RBFOX1: variants seen among roughly 807,000 people sequenced by gnomAD.
RBFOX1 encodes RNA binding protein fox-1 homolog 1.
A neutral mutation model predicts 57.7 loss-of-function variants in RBFOX1; 8 were observed. The observed-to-expected ratio is 0.14, with a 90% CI of 0.08 to 0.25. RBFOX1 has a LOEUF of 0.25. Among genes scored for constraint, RBFOX1 ranks in the 10% least tolerant of loss-of-function variants. RBFOX1 has a pLI of 1.00. For synonymous variants in RBFOX1, 326 were observed against 222.4 expected (o/e 1.47, Z -4.15); for missense variants, 611 against 548.5 (o/e 1.11, Z -1.14).
At chr16:7,607,083 C>G (rs151178460) in intron 9 of RBFOX1, among the ~76,000 whole-genome samples, 2 of 152,250 alleles carry the variant, frequency 1.3e-5, no homozygotes, top group African/African-American at 4.8e-5. Flanking sequence ...TTAACTTGCA[C>G]TGGCAGAAAA....
At position 5,868,471 on chromosome 16, in the gene RBFOX1, C is replaced by A. The variant is rs115313269; in HGVS notation, c.351+1136C>A. 6.6e-3 allele frequency among the ~76,000 whole-genome samples: 1,000 copies of A among 152,290 alleles called. 8 individuals are homozygous for A. Among genetic ancestry groups the A allele is most frequent in the African/African-American group, 0.022 (916 of 41,550 alleles). On this transcript the variant is annotated intron_variant, in intron 4 of 19. Transcript: ENST00000641259. ...ATCTCCCTTTGATCCATCACACAGTCGTTAGTAGGGTAAAATAGAATAAAG... is the reference window on the plus strand; with the variant it reads ...ATCTCCCTTTGATCCATCACACAGTAGTTAGTAGGGTAAAATAGAATAAAG...
chr16:6,216,296 C>G (rs906261303), intron 1 of RBFOX1, among the ~76,000 whole-genome samples: 2 of 152,154 alleles, frequency 1.3e-5, no homozygotes, highest in South Asian at 2.1e-4. Flanking sequence ...AGTATAAAAA[C>G]CCCATACAGA....
chr16:7,384,525 G>T (rs2097845776), intron 4 of RBFOX1, among the ~76,000 whole-genome samples: 1 of 152,120 alleles, frequency 6.6e-6, no homozygotes, highest in Admixed American at 6.5e-5. Context: ...TGTTACTCTG[G>T]CTACAGAATC....
At chr16:6,943,097 G>A (rs1169204129) in intron 3 of RBFOX1, among the ~76,000 whole-genome samples, 1 of 152,172 alleles carries the variant, frequency 6.6e-6, no homozygotes, top group Non-Finnish European at 1.5e-5. Context: ...AGGTCCCCAG[G>A]AGGGAGCCAA....
intron 3 of RBFOX1, among the ~76,000 whole-genome samples, chr16:6,942,865 T>C (rs1478818521): frequency 1.3e-5 from 2 of 152,024 alleles, no homozygotes; most frequent in East Asian, 3.9e-4. Context: ...TCTACATGGG[T>C]GTAGTGTGAT....
chr16:6,575,411 A>G (rs936806706), intron 2 of RBFOX1, among the ~76,000 whole-genome samples: 1 of 152,166 alleles, frequency 6.6e-6, no homozygotes, highest in Non-Finnish European at 1.5e-5. Context: ...GTAACAGAAT[A>G]CCTTTTACCA....
In RBFOX1 at chr16:6,605,054, A is replaced by G. The variant is rs145786159; in HGVS notation, c.-63-49549A>G. On this transcript the variant is annotated intron_variant, in intron 2 of 15. Coordinates refer to ENST00000550418, the MANE Select transcript of RBFOX1 (RefSeq NM_018723.4). ...TATATAAAAATATATAAACACATGCACAACGTGTGTATTTTTATATATATA... is the reference window on the plus strand; with the variant it reads ...TATATAAAAATATATAAACACATGCGCAACGTGTGTATTTTTATATATATA... Among the ~76,000 whole-genome samples the G allele has an allele frequency of 7.8e-3, 1,190 of 152,178 alleles. 20 individuals carry two copies. Among genetic ancestry groups the G allele is most frequent in the African/African-American group, 0.027 (1,121 of 41,536 alleles).
chr16:7,553,354 A>T (rs939405770), intron 5 of RBFOX1, among the ~76,000 whole-genome samples: 7 of 152,146 alleles, frequency 4.6e-5, no homozygotes, highest in African/African-American at 1.4e-4. Flanking sequence ...AGTGTTGCTC[A>T]GGCTGGTCTC....
intron 5 of RBFOX1, among the ~76,000 whole-genome samples, chr16:7,573,273 A>G (rs1396006314): frequency 6.6e-6 from 1 of 152,156 alleles, no homozygotes; most frequent in Non-Finnish European, 1.5e-5. Context: ...ACAAGCGACA[A>G]TGGGAGACAG....
At chr16:5,942,668 ACAAACTACCTTTCTCC>A (rs1172280886) in intron 4 of RBFOX1, among the ~76,000 whole-genome samples, 1 of 152,192 alleles carries the variant, frequency 6.6e-6, no homozygotes, top group Non-Finnish European at 1.5e-5. Flanking sequence ...GTTTTAAAAT[ACAAACTACCTTTCTCC>A]CAAAGTTAGC....
chr16:6,480,336 T>TCCTGGGCCA (rs1219667285), intron 2 of RBFOX1, among the ~76,000 whole-genome samples: 2 of 152,190 alleles, frequency 1.3e-5, no homozygotes, highest in East Asian at 3.9e-4. Context: ...ATTTTAGACT[T>TCCTGGGCCA]CCTGGGCCAC....
intron 2 of RBFOX1, among the ~76,000 whole-genome samples, chr16:6,391,526 A>AG (rs1567178583): frequency 6.7e-6 from 1 of 148,194 alleles, no homozygotes; most frequent in African/African-American, 2.6e-5. Flanking sequence ...AAAAAAAAAG[A>AG]AAAAAAAGTA....
chr16:7,371,408 G>C (rs1442074699), intron 4 of RBFOX1, among the ~76,000 whole-genome samples: 1 of 152,142 alleles, frequency 6.6e-6, no homozygotes, highest in Non-Finnish European at 1.5e-5. Context: ...AAGCTAATCA[G>C]TATCAGCGGC....
intron 4 of RBFOX1, among the ~76,000 whole-genome samples, chr16:5,937,430 A>T (rs2059189061): frequency 1.3e-5 from 2 of 152,142 alleles, no homozygotes; most frequent in Non-Finnish European, 2.9e-5. Context: ...CTAGTGACAC[A>T]CGTTTATTTC....
intron 14 of RBFOX1, among the ~76,000 whole-genome samples, chr16:7,690,550 C>G (rs1212961493): frequency 6.6e-6 from 1 of 152,122 alleles, no homozygotes; most frequent in Non-Finnish European, 1.5e-5. Context: ...ATTCACGGGT[C>G]TGTGTTGAGA....
intron 1 of RBFOX1, among the ~76,000 whole-genome samples, chr16:6,187,780 T>A (rs2097114516): frequency 6.6e-6 from 1 of 152,132 alleles, no homozygotes; most frequent in East Asian, 1.9e-4. Flanking sequence ...CAGGCTAGGA[T>A]AACATTAACA....
chr16:7,519,648 T>G, intron 5 of RBFOX1: 4 of 980,168 alleles, frequency 4.1e-6, no homozygotes, highest in Non-Finnish European at 4.8e-6. Flanking sequence ...TTGGGAACCT[T>G]TTTCTGCAGA....
At chr16:7,478,877 G>T (rs187836697) in intron 4 of RBFOX1, among the ~76,000 whole-genome samples, 5 of 152,244 alleles carry the variant, frequency 3.3e-5, no homozygotes, top group Non-Finnish European at 7.4e-5. Context: ...TAGCTCTGTT[G>T]CATCTTGAAC....
chr16:7,583,975 C>T (rs1363750716), intron 6 of RBFOX1, among the ~76,000 whole-genome samples: 4 of 152,288 alleles, frequency 2.6e-5, no homozygotes, highest in South Asian at 2.1e-4. Flanking sequence ...AGTCACGAGA[C>T]GGGCTTGCCT....
Sources: gnomAD v4.1 joint callset for allele counts (sites outside exome capture counted in the v4.1 genomes callset) on GRCh38, gnomAD v4.1.1 for gene constraint, MANE v1.5 for transcripts, NCBI Gene and HGNC (gene_info 2026-07-23, HGNC 2026-07-21) for gene names.